TNFRSF19: variants seen among roughly 807,000 people sequenced by gnomAD.
TNFRSF19 encodes the protein TNF receptor superfamily member 19, also known as tumor necrosis factor receptor superfamily member 19.
TNFRSF19 carries 27 observed loss-of-function variants against 46.4 expected under a neutral mutation model. That is an observed-to-expected ratio of 0.58 (90% CI 0.43 to 0.80). The LOEUF is 0.80. TNFRSF19 is among the 30% of genes least tolerant of loss of function. The probability of loss-of-function intolerance (pLI) is 0.00; values close to 1 mark genes in which losing one functional copy is unlikely to be tolerated. For missense variants in TNFRSF19, 511 were observed against 530.8 expected (o/e 0.96, Z 0.37); for synonymous variants, 204 against 205.0 (o/e 1.00, Z 0.04).
At chr13:23,584,627 TAAAAA>T (rs67871815) in intron 1 of TNFRSF19, among the ~76,000 whole-genome samples, 1 of 137,208 alleles carries the variant, frequency 7.3e-6, no homozygotes, top group Non-Finnish European at 1.6e-5. Context: ...AAGTTTTATT[TAAAAA>T]AAAAAAAAAA....
At chr13:23,668,197 C>G in intron 8 of TNFRSF19, 115 bp downstream of exon 8, 1 of 993,396 alleles carries the variant, frequency 1.0e-6, no homozygotes. Context: ...ATATTAATGA[C>G]ATTCTGGATA....
chr13:23,622,491 T>G (rs368465132), intron 4 of TNFRSF19, among the ~76,000 whole-genome samples: 1 of 152,228 alleles, frequency 6.6e-6, no homozygotes, highest in Non-Finnish European at 1.5e-5. Context: ...TAGCCTCATT[T>G]GTCTCATGGT....
At chr13:23,584,626 TTA>T (rs1491583930) in intron 1 of TNFRSF19, among the ~76,000 whole-genome samples, 8 of 127,370 alleles carry the variant, frequency 6.3e-5, no homozygotes, top group South Asian at 2.6e-4. Context: ...TAAGTTTTAT[TTA>T]AAAAAAAAAA....
intron 1 of TNFRSF19, among the ~76,000 whole-genome samples, chr13:23,589,603 G>A (rs1879105161): frequency 6.6e-6 from 1 of 152,190 alleles, no homozygotes; most frequent in Non-Finnish European, 1.5e-5. Flanking sequence ...CCTCTCACTA[G>A]CAATGTGACC....
intron 5 of TNFRSF19, among the ~76,000 whole-genome samples, chr13:23,638,180 T>C (rs1447997225): frequency 2.0e-5 from 3 of 152,250 alleles, no homozygotes; most frequent in Non-Finnish European, 4.4e-5. Flanking sequence ...GTCCGTAGAC[T>C]ATTAAAAAGA....
chr13:23,626,151 A>G (rs1455701310), intron 4 of TNFRSF19, among the ~76,000 whole-genome samples: 1 of 149,514 alleles, frequency 6.7e-6, no homozygotes, highest in African/African-American at 2.5e-5. Context: ...ATGATGCTAT[A>G]TTTATTTATT....
Position 23,659,174 on chromosome 13 carries a change from C to A in TNFRSF19, c.570C>A (p.Val190=). The change falls in exon 6 of 10, where the codon GTC becomes GTA. Residue 190 remains valine (V), a synonymous_variant. Coordinates refer to ENST00000248484, the MANE Select transcript of TNFRSF19 (RefSeq NM_148957.4). This position sits in a 1 kb window ranked among gnomAD's most constrained non-coding sequence, Gnocchi z 4.9. ...TVLLALLILC[V]IYCKRQFMEK... ...TGCTGGCCCTGCTCATCCTCTGTGT[C>A]ATCTATTGTAAGAGACAGTTTATGG... 6.2e-7 allele frequency: 1 copy of A among 1,614,074 alleles called. No individual in the cohort carries two copies. Among genetic ancestry groups the A allele is most frequent in the South Asian group, 1.1e-5 (1 of 91,062 alleles).
intron 3 of TNFRSF19, among the ~76,000 whole-genome samples, chr13:23,595,818 A>G (rs1344878752): frequency 1.3e-5 from 2 of 152,184 alleles, no homozygotes; most frequent in Admixed American, 1.3e-4. Context: ...TCAGATTCAC[A>G]AAGGTTGAAA....
chr13:23,580,088 A>G (rs1878300166), intron 1 of TNFRSF19, among the ~76,000 whole-genome samples: 1 of 152,170 alleles, frequency 6.6e-6, no homozygotes, highest in African/African-American at 2.4e-5. Context: ...CCTGTGATAG[A>G]TTTAGAGAGT....
intron 3 of TNFRSF19, among the ~76,000 whole-genome samples, chr13:23,610,215 G>A (rs1306802582): frequency 6.6e-6 from 1 of 152,194 alleles, no homozygotes; most frequent in Non-Finnish European, 1.5e-5. Context: ...GGACAACAAG[G>A]GTCTGTGAGT....
intron 5 of TNFRSF19, among the ~76,000 whole-genome samples, chr13:23,633,227 C>A (rs553290514): frequency 2.6e-5 from 4 of 152,028 alleles, no homozygotes; most frequent in Admixed American, 6.5e-5. Flanking sequence ...ATCCTCCCAC[C>A]TCAGCCTCCT....
At chr13:23,602,281 C>A (rs1880212081) in intron 3 of TNFRSF19, among the ~76,000 whole-genome samples, 1 of 152,102 alleles carries the variant, frequency 6.6e-6, no homozygotes. Flanking sequence ...AGATGGACAT[C>A]ATATAATCAT....
In TNFRSF19 at chr13:23,668,997, T is replaced by G; in HGVS notation, c.1145T>G (p.Leu382Arg). ...ATDLSRYNNT[L>R]VESASTQDAL... ...GATTTATCTAGATATAACAACACAC[T>G]GGTAGAATCAGCATCAACTCAGGAT... Residue 382 changes from leucine (L) to arginine (R), a missense_variant, in exon 9 of 10, where the codon CTG becomes CGG. Physicochemically the swap from Leu to Arg is moderately radical, Grantham distance 102 (BLOSUM62 -2). Coordinates refer to ENST00000248484, the MANE Select transcript of TNFRSF19 (RefSeq NM_148957.4). 6.2e-7 allele frequency: 1 copy of G among 1,614,220 alleles called. No homozygotes were observed. The highest frequency in any genetic ancestry group is 8.5e-7 in the Non-Finnish European group (1 of 1,180,046).
At chr13:23,667,887 C>T in intron 7 of TNFRSF19, 93 bp from the exon 8 acceptor site, 3 of 1,066,056 alleles carry the variant, frequency 2.8e-6, no homozygotes, top group Non-Finnish European at 3.9e-6. Context: ...CAAAGGGAAA[C>T]ATCTAAATTT....
chr13:23,620,752 G>A (rs1490212425), intron 4 of TNFRSF19, among the ~76,000 whole-genome samples: 2 of 152,150 alleles, frequency 1.3e-5, no homozygotes, highest in Admixed American at 6.5e-5. Flanking sequence ...AGGCCTCCAA[G>A]CTCCTCTGCT....
At chr13:23,620,642 A>G (rs1881591166) in intron 4 of TNFRSF19, among the ~76,000 whole-genome samples, 1 of 152,240 alleles carries the variant, frequency 6.6e-6, no homozygotes, top group Non-Finnish European at 1.5e-5. Context: ...CAGAGTGCCT[A>G]AGCCATAGGA....
chr13:23,572,128 T>C (rs1877670422), intron 1 of TNFRSF19, among the ~76,000 whole-genome samples: 1 of 152,168 alleles, frequency 6.6e-6, no homozygotes, highest in Admixed American at 6.5e-5. Flanking sequence ...GCATTGTTTA[T>C]TTAATTTTAA....
chr13:23,581,576 T>C (rs1291732816), intron 1 of TNFRSF19, among the ~76,000 whole-genome samples: 1 of 152,194 alleles, frequency 6.6e-6, no homozygotes, highest in Non-Finnish European at 1.5e-5. Context: ...GCTTTTTACA[T>C]ATATTTTATA....
intron 1 of TNFRSF19, among the ~76,000 whole-genome samples, chr13:23,572,166 ATT>A (rs1877672121): frequency 1.3e-5 from 2 of 152,170 alleles, no homozygotes; most frequent in African/African-American, 4.8e-5. Context: ...AGTGGAGGTT[ATT>A]TAAAGCCATG....
Sources: allele counts gnomAD v4.1 joint callset (sites outside exome capture counted in the v4.1 genomes callset), GRCh38; gene constraint gnomAD v4.1.1; non-coding constraint Gnocchi (gnomAD v3.1); transcripts MANE v1.5; gene names NCBI Gene and HGNC (gene_info 2026-07-23, HGNC 2026-07-21).